Variants in RARB observed in about 807,000 individuals in gnomAD.
RARB encodes HBV-activated protein.
In RARB, 17 loss-of-function variants were observed where a neutral mutation model predicts 51.9. That is an observed-to-expected ratio of 0.33 (90% CI 0.22 to 0.49). The LOEUF (loss-of-function observed/expected upper bound fraction) is 0.49, where lower values mean the gene tolerates loss of function less well. Among genes scored for constraint, RARB ranks in the 20% least tolerant of loss-of-function variants. The pLI, the probability that RARB is intolerant of heterozygous loss-of-function variation, is 0.99. For synonymous variants in RARB, 215 were observed against 195.4 expected (o/e 1.10, Z -0.84); for missense variants, 369 against 550.8 (o/e 0.67, Z 3.30).
At chr3:25,525,091 T>C (rs969641438) in intron 3 of RARB, among the ~76,000 whole-genome samples, 2 of 152,174 alleles carry the variant, frequency 1.3e-5, no homozygotes, top group Non-Finnish European at 2.9e-5. Flanking sequence ...AAATTATACT[T>C]TATGTGGAAA....
chr3:25,321,533 C>T (rs920228487), intron 5 of RARB, among the ~76,000 whole-genome samples: 3 of 151,942 alleles, frequency 2.0e-5, no homozygotes, highest in Admixed American at 2.0e-4. Context: ...GCCCAGATGA[C>T]ATGGCGAAAC....
chr3:25,381,216 G>C (rs1706614988), intron 5 of RARB, among the ~76,000 whole-genome samples: 1 of 152,186 alleles, frequency 6.6e-6, no homozygotes, highest in Admixed American at 6.5e-5. Context: ...ACAGCCTTGA[G>C]GTTGTTAACA....
chr3:24,917,977 T>C (rs549437428), intron 2 of RARB, among the ~76,000 whole-genome samples: 1 of 152,324 alleles, frequency 6.6e-6, no homozygotes, highest in Admixed American at 6.5e-5. Flanking sequence ...ACAGCTACTT[T>C]AGGAAACAAT....
At chr3:25,345,801 A>G in intron 5 of RARB, 3 of 464,824 alleles carry the variant, frequency 6.5e-6, no homozygotes, top group Non-Finnish European at 8.5e-6. Context: ...GTGATTGTGC[A>G]TGAAATGAAC....
At chr3:25,260,337 A>G (rs1702967831) in intron 5 of RARB, among the ~76,000 whole-genome samples, 1 of 152,172 alleles carries the variant, frequency 6.6e-6, no homozygotes, top group Admixed American at 6.6e-5. Flanking sequence ...TTTTAAGCCA[A>G]TAAAGAATTC....
chr3:25,012,729 G>C (rs994720236), intron 2 of RARB, among the ~76,000 whole-genome samples: 1 of 152,136 alleles, frequency 6.6e-6, no homozygotes, highest in Non-Finnish European at 1.5e-5. Flanking sequence ...ATTTCAGTGG[G>C]AAAAGTAATC....
intron 2 of RARB, among the ~76,000 whole-genome samples, chr3:24,902,483 C>T (rs1255183477): frequency 6.6e-6 from 1 of 152,032 alleles, no homozygotes; most frequent in East Asian, 1.9e-4. Flanking sequence ...ATTGGCAGTG[C>T]TTTAAGGTTT....
chr3:24,986,525 T>G (rs2125430806), intron 2 of RARB, among the ~76,000 whole-genome samples: 1 of 152,350 alleles, frequency 6.6e-6, no homozygotes, highest in Admixed American at 6.5e-5. Flanking sequence ...AAATGGGTTT[T>G]GTGGTTTTAG....
chr3:25,508,933 G>A (rs756806353), intron 3 of RARB, among the ~76,000 whole-genome samples: 16 of 151,830 alleles, frequency 1.1e-4, no homozygotes, highest in Non-Finnish European at 2.2e-4. Context: ...CAGCAGCCCG[G>A]TGATGTCAGT....
intron 3 of RARB, among the ~76,000 whole-genome samples, chr3:25,523,871 TA>T (rs1698518232): frequency 6.6e-6 from 1 of 152,226 alleles, no homozygotes; most frequent in African/African-American, 2.4e-5. Flanking sequence ...AACATTGCAT[TA>T]TTTTTTTAAA....
intron 5 of RARB, among the ~76,000 whole-genome samples, chr3:25,223,285 T>C (rs1331626261): frequency 6.6e-6 from 1 of 152,188 alleles, no homozygotes; most frequent in Non-Finnish European, 1.5e-5. Flanking sequence ...TCATATGGCA[T>C]CTGTGTTGTT....
At chr3:25,188,866 T>A (rs1271911921) in intron 5 of RARB, among the ~76,000 whole-genome samples, 1 of 152,172 alleles carries the variant, frequency 6.6e-6, no homozygotes, top group African/African-American at 2.4e-5. Context: ...TGTAACTTTT[T>A]AAAATTGTAA....
At chr3:25,338,121 A>G (rs1475575981) in intron 5 of RARB, among the ~76,000 whole-genome samples, 1 of 124,686 alleles carries the variant, frequency 8.0e-6, no homozygotes, top group Non-Finnish European at 1.8e-5. Flanking sequence ...ACACACACAC[A>G]CACACACACA....
intron 1 of RARB, among the ~76,000 whole-genome samples, chr3:24,853,635 A>G (rs1702592648): frequency 6.6e-6 from 1 of 152,084 alleles, no homozygotes; most frequent in Non-Finnish European, 1.5e-5. Context: ...ATGATTCCAC[A>G]TGAGTAAAAA....
intron 2 of RARB, among the ~76,000 whole-genome samples, chr3:24,997,860 A>G (rs546160514): frequency 6.6e-6 from 1 of 152,248 alleles, no homozygotes; most frequent in Non-Finnish European, 1.5e-5. Context: ...ATTATATCCA[A>G]CTTCTTGATT....
intron 4 of RARB, among the ~76,000 whole-genome samples, chr3:25,142,207 A>C (rs928543826): frequency 1.3e-5 from 2 of 152,122 alleles, no homozygotes; most frequent in East Asian, 3.9e-4. Context: ...GGTGGCGGGC[A>C]CCTGTAGTCC....
chr3:25,244,717 A>C (rs958601674), intron 5 of RARB, among the ~76,000 whole-genome samples: 1 of 152,010 alleles, frequency 6.6e-6, no homozygotes, highest in Non-Finnish European at 1.5e-5. Flanking sequence ...TTGCTGAGGC[A>C]TGTTTTACTT....
intron 2 of RARB, among the ~76,000 whole-genome samples, chr3:24,865,039 T>G (rs2125344816): frequency 6.6e-6 from 1 of 152,318 alleles, no homozygotes. Context: ...TTCTCTTCAG[T>G]GCTGCCAAAA....
intron 5 of RARB, among the ~76,000 whole-genome samples, chr3:25,391,525 G>A (rs538065198): frequency 6.6e-6 from 1 of 152,132 alleles, no homozygotes; most frequent in Admixed American, 6.6e-5. Context: ...GTGCAAAAGT[G>A]TTCCCTTTTT....
Sources: allele counts gnomAD v4.1 joint callset (sites outside exome capture counted in the v4.1 genomes callset), GRCh38; gene constraint gnomAD v4.1.1; transcripts MANE v1.5; gene names NCBI Gene and HGNC (gene_info 2026-07-23, HGNC 2026-07-21).